Variants in CSMD2 observed in about 807,000 individuals in gnomAD.
CSMD2 encodes the protein CUB and sushi domain-containing protein 2.
Under a neutral mutation model 398.5 loss-of-function variants are expected in CSMD2, and 130 were observed. That is an observed-to-expected ratio of 0.33 (90% CI 0.28 to 0.38). The LOEUF is 0.38. Among genes scored for constraint, CSMD2 ranks in the 10% least tolerant of loss-of-function variants. The pLI is 1.00. For synonymous variants in CSMD2, 1,828 were observed against 1,908.5 expected (o/e 0.96, Z 1.10); for missense variants, 3,829 against 4,764.9 (o/e 0.80, Z 5.78).
chr1:33,752,498 G>A (rs754432121), intron 13 of CSMD2, among the ~76,000 whole-genome samples: 1 of 152,188 alleles, frequency 6.6e-6, no homozygotes, highest in African/African-American at 2.4e-5. Context: ...TGCCTGTACA[G>A]CCTGCAGAAC....
intron 62 of CSMD2, among the ~76,000 whole-genome samples, chr1:33,535,146 C>T (rs551661374): frequency 9.9e-5 from 15 of 152,112 alleles, no homozygotes; most frequent in African/African-American, 3.1e-4. Flanking sequence ...ATGTGATATC[C>T]GACATACACA....
chr1:33,743,939 T>C (rs1647175694), intron 13 of CSMD2, among the ~76,000 whole-genome samples: 1 of 152,210 alleles, frequency 6.6e-6, no homozygotes, highest in South Asian at 2.1e-4. Context: ...ACTGTCTATT[T>C]GTATAAATGC....
At chr1:33,855,655 C>G (rs751847116) in intron 5 of CSMD2, among the ~76,000 whole-genome samples, 4 of 152,162 alleles carry the variant, frequency 2.6e-5, no homozygotes, top group Non-Finnish European at 5.9e-5. Context: ...CCCCTGTCCC[C>G]AGCCCAAGTC....
At chr1:33,807,982 GA>G (rs1656418329) in intron 10 of CSMD2, among the ~76,000 whole-genome samples, 1 of 151,968 alleles carries the variant, frequency 6.6e-6, no homozygotes, top group African/African-American at 2.4e-5. Flanking sequence ...TGGATGGAGG[GA>G]AAAAGCCTTT....
intron 5 of CSMD2, among the ~76,000 whole-genome samples, chr1:33,898,260 T>C (rs998148072): frequency 1.3e-5 from 2 of 152,192 alleles, no homozygotes; most frequent in African/African-American, 2.4e-5. Context: ...CGTGGAGTCA[T>C]TGCCAGACTC....
At chr1:33,637,206 A>C (rs1466493493) in intron 29 of CSMD2, among the ~76,000 whole-genome samples, 2 of 152,192 alleles carry the variant, frequency 1.3e-5, no homozygotes, top group Non-Finnish European at 2.9e-5. Flanking sequence ...TCAGGGAGGA[A>C]GTACAAAACT....
chr1:33,553,977 G>C (rs1225177333), intron 55 of CSMD2, among the ~76,000 whole-genome samples: 1 of 151,994 alleles, frequency 6.6e-6, no homozygotes, highest in Non-Finnish European at 1.5e-5. Flanking sequence ...GGCTGAGAGA[G>C]TTGAGGAAGC....
intron 12 of CSMD2, among the ~76,000 whole-genome samples, chr1:33,787,969 T>G (rs553422525): frequency 1.3e-5 from 2 of 152,288 alleles, no homozygotes; most frequent in South Asian, 4.1e-4. Flanking sequence ...TAGGGTATCT[T>G]GGGAAGCTAT....
At chr1:33,741,563 G>T (rs567014738) in intron 14 of CSMD2, among the ~76,000 whole-genome samples, 2 of 152,292 alleles carry the variant, frequency 1.3e-5, no homozygotes, top group South Asian at 4.2e-4. Flanking sequence ...TGTGATATCT[G>T]TAATAGTGTC....
intron 25 of CSMD2, among the ~76,000 whole-genome samples, chr1:33,681,570 C>G (rs1163708288): frequency 6.6e-6 from 1 of 152,150 alleles, no homozygotes; most frequent in Non-Finnish European, 1.5e-5. Context: ...ATTCTTAGTA[C>G]CGTGTAGTTT....
chr1:33,984,535 C>T (rs1013440591), intron 3 of CSMD2, among the ~76,000 whole-genome samples: 5 of 152,144 alleles, frequency 3.3e-5, no homozygotes, highest in African/African-American at 9.7e-5. Flanking sequence ...TGCAGTGGCT[C>T]ACGCCTGCGC....
At position 33,970,366 on chromosome 1, in the gene CSMD2, C is replaced by T. The variant is rs543228170; in HGVS notation, c.518-34412G>A. On this transcript the variant is annotated intron_variant, in intron 3 of 70. Transcript: ENST00000373381. The stretch of plus-strand genomic sequence containing the variant: ...CTTTTTCTCCCTCCCTCAGGAATCC[C>T]TGTGTCCGCAATCGCTAATCCCACC... Among the ~76,000 whole-genome samples, 3 of 152,224 alleles carry T rather than the reference C, an allele frequency of 2.0e-5. No homozygotes were observed. The South Asian group carries it at 6.2e-4, about 32-fold the overall frequency.
At chr1:33,848,378 A>T (rs545251265) in intron 5 of CSMD2, among the ~76,000 whole-genome samples, 1 of 152,338 alleles carries the variant, frequency 6.6e-6, no homozygotes, top group African/African-American at 2.4e-5. Context: ...GCAAAGAATG[A>T]ATACGCAGAA....
intron 3 of CSMD2, among the ~76,000 whole-genome samples, chr1:33,967,049 A>C (rs1448226936): frequency 6.6e-6 from 1 of 152,222 alleles, no homozygotes; most frequent in Non-Finnish European, 1.5e-5. Flanking sequence ...ATTATTATTC[A>C]TCACGATTCT....
chr1:33,645,819 A>C (rs1370166627), intron 29 of CSMD2, among the ~76,000 whole-genome samples: 1 of 152,228 alleles, frequency 6.6e-6, no homozygotes, highest in Non-Finnish European at 1.5e-5. Flanking sequence ...GGTCACGCAA[A>C]TGTTAAGTCA....
At chr1:34,123,511 A>T (rs1043867079) in intron 1 of CSMD2, among the ~76,000 whole-genome samples, 3 of 106,574 alleles carry the variant, frequency 2.8e-5, no homozygotes, top group Non-Finnish European at 4.4e-5. Flanking sequence ...CAGCCAATTA[A>T]TCAAACTTAA....
At chr1:33,732,126 A>G (rs1305945459) in intron 15 of CSMD2, among the ~76,000 whole-genome samples, 4 of 151,448 alleles carry the variant, frequency 2.6e-5, no homozygotes, top group African/African-American at 4.8e-5. Flanking sequence ...GTGCACATGC[A>G]CACACACACA....
intron 26 of CSMD2, among the ~76,000 whole-genome samples, chr1:33,659,288 C>T (rs913743720): frequency 2.6e-5 from 4 of 152,100 alleles, no homozygotes; most frequent in Non-Finnish European, 4.4e-5. Context: ...AGAAAACACA[C>T]CGGAGGAATG....
chr1:34,107,443 A>C (rs1660633771), intron 1 of CSMD2, among the ~76,000 whole-genome samples: 1 of 152,106 alleles, frequency 6.6e-6, no homozygotes, highest in African/African-American at 2.4e-5. Flanking sequence ...TTCCATCCTC[A>C]CAACCATATG....
Sources: allele counts gnomAD v4.1 joint callset (sites outside exome capture counted in the v4.1 genomes callset), GRCh38; gene constraint gnomAD v4.1.1; transcripts MANE v1.5; gene names NCBI Gene and HGNC (gene_info 2026-07-23, HGNC 2026-07-21).